The following HBS1L variants were observed in gnomAD, a reference collection of about 807,000 sequenced individuals.
HBS1L encodes the protein HBS1-like protein.
Under a neutral mutation model 88.9 loss-of-function variants are expected in HBS1L, and 55 were observed. The ratio of observed to expected loss-of-function variants is 0.62; its 90% CI spans 0.50 to 0.77. HBS1L has a LOEUF of 0.77. HBS1L is among the 30% of genes least tolerant of loss of function. The pLI is 0.00. For missense variants in HBS1L, 741 were observed against 829.3 expected (o/e 0.89, Z 1.31); for synonymous variants, 267 against 288.5 (o/e 0.93, Z 0.76).
intron 6 of HBS1L, 25 bp downstream of exon 6, chr6:134,997,372 G>T (rs369205653): frequency 1.2e-6 from 2 of 1,612,220 alleles, no homozygotes; most frequent in South Asian, 1.1e-5. Flanking sequence ...GCTGGCTGAC[G>T]ATCCAGAGGG....
Position 134,961,090 on chromosome 6 carries a change from C to CTTTTTTTTTTTTT in HBS1L, c.*4176_*4188dup, listed in dbSNP as rs58274929. ...TTGCTGTACAGACTTAGTTTCTTTG[C>CTTTTTTTTTTTTT]TTTTTTTTTTTTTTTTTTTGCATTG... On this transcript the variant is annotated 3_prime_UTR_variant, in exon 18 of 18. Coordinates refer to ENST00000367837, the MANE Select transcript of HBS1L (RefSeq NM_006620.4). 41 of 106,234 alleles carry CTTTTTTTTTTTTT rather than the reference C, an allele frequency of 3.9e-4. 1 individual carries two copies. Among genetic ancestry groups the CTTTTTTTTTTTTT allele is most frequent in the Non-Finnish European group, 4.4e-4 (24 of 54,254 alleles). The allele number at this position is 106,234 out of a possible 1,614,324, so 6.6% of individuals were successfully genotyped here.
chr6:134,999,627 T>C (rs1393445183), intron 5 of HBS1L, among the ~76,000 whole-genome samples: 3 of 151,932 alleles, frequency 2.0e-5, no homozygotes, highest in Non-Finnish European at 4.4e-5. Context: ...TTTGTATTTT[T>C]AGTAGAGACA....
intron 15 of HBS1L, among the ~76,000 whole-genome samples, chr6:134,970,541 G>A (rs1005290293): frequency 3.9e-5 from 6 of 152,146 alleles, no homozygotes; most frequent in African/African-American, 9.7e-5. Flanking sequence ...CCTGGCACAT[G>A]GCAAGCATTC....
intron 4 of HBS1L, among the ~76,000 whole-genome samples, chr6:135,009,288 C>A (rs1242051254): frequency 6.6e-6 from 1 of 152,086 alleles, no homozygotes; most frequent in East Asian, 1.9e-4. Flanking sequence ...GTGTATTCTA[C>A]ACTATTCTGA....
chr6:134,988,956 T>C (rs192217634), intron 8 of HBS1L, among the ~76,000 whole-genome samples: 2 of 152,314 alleles, frequency 1.3e-5, no homozygotes, highest in African/African-American at 4.8e-5. Context: ...AAGCCTTGTA[T>C]AACAAAGTTT....
intron 11 of HBS1L, 26 bp from the exon 12 acceptor site, chr6:134,985,435 A>T: frequency 6.7e-7 from 1 of 1,487,748 alleles, no homozygotes; most frequent in Non-Finnish European, 9.2e-7. Context: ...TGCAAAAGGC[A>T]AGGTTTAATT....
rs1274040060 is a variant in HBS1L, at chr6:135,037,216, G to A, written c.430+2357C>T. On this transcript the variant is annotated intron_variant, in intron 4 of 17. Transcript: ENST00000367837. ...ACAGCGATTTGCTAATTGTGACAGGGGAAAGGATCCCAAACTTAGATCTGT... is the reference window on the plus strand; with the variant it reads ...ACAGCGATTTGCTAATTGTGACAGGAGAAAGGATCCCAAACTTAGATCTGT... 1.9e-6 allele frequency: 3 copies of A among 1,551,830 alleles called. No homozygotes were observed. In the East Asian group the frequency reaches 7.3e-5, roughly 38 times the overall value.
chr6:134,987,762 G>A lies in HBS1L; in HGVS notation c.1113C>T (p.Ala371=). The part of the protein sequence containing the change: ...QADVAVLVVD[A]SRGEFEAGFE... ...ATCCAGCTTCAAACTCTCCCCTGCT[G>A]GCATCTACAACTAAAACAGCTACAT... is the stretch of plus-strand genomic sequence containing the variant. Residue 371 remains alanine, a synonymous_variant, in exon 9 of 18, where the codon GCC becomes GCT. Coordinates refer to ENST00000367837, the MANE Select transcript of HBS1L (RefSeq NM_006620.4). The A allele has an allele frequency of 6.3e-7, 1 of 1,599,112 alleles. No individual in the cohort carries two copies.
chr6:135,041,858 CAT>C (rs751284529), intron 3 of HBS1L, 141 bp downstream of exon 3: 5 of 650,416 alleles, frequency 7.7e-6, no homozygotes, highest in Non-Finnish European at 1.2e-5. Flanking sequence ...CTTAATAAAA[CAT>C]AAACTGTCCT....
intron 12 of HBS1L, 165 bp from the exon 13 acceptor site, chr6:134,982,727 C>A: frequency 2.5e-6 from 1 of 401,164 alleles, no homozygotes; most frequent in South Asian, 8.7e-5. Context: ...TGGCATACCA[C>A]ACTTTACTTT....
chr6:135,032,007 T>G (rs1194300377), intron 4 of HBS1L, among the ~76,000 whole-genome samples: 1 of 151,750 alleles, frequency 6.6e-6, no homozygotes. Context: ...TCTCTGCAAT[T>G]ACATCACCAA....
intron 8 of HBS1L, among the ~76,000 whole-genome samples, chr6:134,991,732 G>A (rs932935227): frequency 5.9e-5 from 9 of 151,996 alleles, no homozygotes; most frequent in Non-Finnish European, 1.2e-4. Flanking sequence ...ATATTATAAT[G>A]TATTCATACA....
intron 4 of HBS1L, among the ~76,000 whole-genome samples, chr6:135,035,184 G>A (rs556906784): frequency 1.2e-4 from 19 of 152,300 alleles, no homozygotes; most frequent in African/African-American, 4.6e-4. Context: ...CGGGCGTGGT[G>A]GCTCACACCT....
intron 4 of HBS1L, among the ~76,000 whole-genome samples, chr6:135,034,817 G>C (rs776504192): frequency 6.6e-6 from 1 of 152,014 alleles, no homozygotes; most frequent in Non-Finnish European, 1.5e-5. Context: ...GTTATTCTTG[G>C]CATTGATAAC....
intron 4 of HBS1L, among the ~76,000 whole-genome samples, chr6:135,006,011 AG>A (rs1057024231): frequency 6.6e-6 from 1 of 152,200 alleles, no homozygotes; most frequent in African/African-American, 2.4e-5. Flanking sequence ...GGCCCATTTA[AG>A]ATTTGTGATA....
At chr6:135,052,954 A>G (rs1777133607) in intron 1 of HBS1L, among the ~76,000 whole-genome samples, 1 of 152,240 alleles carries the variant, frequency 6.6e-6, no homozygotes, top group African/African-American at 2.4e-5. Context: ...TATTATTCTG[A>G]GAATTCAAGA....
chr6:135,051,628 C>T (rs546771017), intron 1 of HBS1L, among the ~76,000 whole-genome samples: 1 of 152,230 alleles, frequency 6.6e-6, no homozygotes, highest in African/African-American at 2.4e-5. Flanking sequence ...CTCCAGCACA[C>T]TTACCCAATT....
intron 8 of HBS1L, among the ~76,000 whole-genome samples, chr6:134,991,592 G>A (rs1338292990): frequency 6.6e-6 from 1 of 152,012 alleles, no homozygotes; most frequent in African/African-American, 2.4e-5. Flanking sequence ...TCCACATTAG[G>A]TACTCAATTA....
intron 4 of HBS1L, among the ~76,000 whole-genome samples, chr6:135,024,439 CAAAAAAAA>C (rs60663059): frequency 1.5e-5 from 1 of 66,496 alleles, no homozygotes; most frequent in African/African-American, 4.8e-5. Flanking sequence ...GACTTCGTCT[CAAAAAAAA>C]AAAAAAAAAA....
Sources: allele counts gnomAD v4.1 joint callset (sites outside exome capture counted in the v4.1 genomes callset), GRCh38; gene constraint gnomAD v4.1.1; transcripts MANE v1.5; gene names NCBI Gene and HGNC (gene_info 2026-07-23, HGNC 2026-07-21).